Variants in CRYBG3 observed in about 807,000 individuals in gnomAD.
The protein encoded by CRYBG3 is very large A-kinase anchor protein.
A neutral mutation model predicts 244.2 loss-of-function variants in CRYBG3; 127 were observed. The observed-to-expected ratio is 0.52, with a 90% CI of 0.45 to 0.60. The LOEUF is 0.60. CRYBG3 is among the 20% of genes least tolerant of loss of function. CRYBG3 has a pLI of 0.00. For missense variants in CRYBG3, 3,325 were observed against 3,442.5 expected (o/e 0.97, Z 0.85); for synonymous variants, 1,132 against 1,195.8 (o/e 0.95, Z 1.10).
chr3:97,852,087 T>C (rs547134846), intron 2 of CRYBG3, among the ~76,000 whole-genome samples: 2 of 152,278 alleles, frequency 1.3e-5, no homozygotes, highest in African/African-American at 4.8e-5. Context: ...TGGAGATAGA[T>C]GTCTGGTTGG....
At chr3:97,910,034 G>T (rs1404428586) in intron 15 of CRYBG3, among the ~76,000 whole-genome samples, 2 of 151,704 alleles carry the variant, frequency 1.3e-5, no homozygotes, top group South Asian at 2.1e-4. Context: ...GCCCCTGCCT[G>T]GGGGTGCCTC....
chr3:97,859,822 C>G (rs2108197823), intron 2 of CRYBG3, among the ~76,000 whole-genome samples: 1 of 152,270 alleles, frequency 6.6e-6, no homozygotes, highest in African/African-American at 2.4e-5. Context: ...TGCCACTTTA[C>G]TTGGCAGAGA....
At chr3:97,880,533 T>C (rs890553838) in intron 6 of CRYBG3, among the ~76,000 whole-genome samples, 2 of 152,226 alleles carry the variant, frequency 1.3e-5, no homozygotes, top group Admixed American at 6.5e-5. Context: ...CTTTGTATGG[T>C]CTAAAAATGA....
At chr3:97,879,169 GT>G (rs1266820681) in intron 4 of CRYBG3, among the ~76,000 whole-genome samples, 1 of 152,152 alleles carries the variant, frequency 6.6e-6, no homozygotes, top group Non-Finnish European at 1.5e-5. Context: ...CCCAAGTTCT[GT>G]TTTGCCAGCC....
chr3:97,935,343 T>A (rs1044249093), intron 18 of CRYBG3, among the ~76,000 whole-genome samples: 8 of 152,072 alleles, frequency 5.3e-5, no homozygotes, highest in Non-Finnish European at 1.2e-4. Flanking sequence ...GCTAAGCCTG[T>A]CCGTGGTCAT....
Position 97,876,917 on chromosome 3 carries a change from A to G in CRYBG3, c.5723A>G (p.Lys1908Arg), listed in dbSNP as rs1170740042. 1 of 1,458,108 alleles carries G rather than the reference A, an allele frequency of 6.9e-7. No homozygotes were observed. Among genetic ancestry groups the G allele is most frequent in the Admixed American group, 2.8e-5 (1 of 35,736 alleles). The allele number at this position is 1,458,108 out of a possible 1,614,324, so 90.3% of individuals were successfully genotyped here. The change falls in exon 4 of 22, where the codon AAG becomes AGG. Residue 1908 changes from lysine (K) to arginine (R), a missense_variant. Coordinates refer to ENST00000389622, the MANE Select transcript of CRYBG3 (RefSeq NM_153605.4). ...GCTGAAGGGAGTGTTGAAGAAACAAAGGAAGAGCCTACAGAAATAAAGGAA... is the reference window on the plus strand; with the variant it reads ...GCTGAAGGGAGTGTTGAAGAAACAAGGGAAGAGCCTACAGAAATAAAGGAA... ...EYAEGSVEET[K>R]EEPTEIKEGL...
At position 97,872,262 on chromosome 3, in the gene CRYBG3, C is replaced by T. The variant is rs557542316; in HGVS notation, c.1068C>T (p.Tyr356=). The stretch of plus-strand genomic sequence containing the variant: ...CTTCTTCTGTGACTAACTCCAGCTA[C>T]GATGGAGAATCTGACTCACAGCACC... ...SSPSSVTNSS[Y]DGESDSQHHL... is the part of the protein sequence containing the mutation. The change falls in exon 4 of 22, where the codon TAC becomes TAT. Residue 356 remains tyrosine (Y), a synonymous_variant. Coordinates refer to ENST00000389622, the MANE Select transcript of CRYBG3 (RefSeq NM_153605.4). The T allele has an allele frequency of 5.3e-5, 81 of 1,535,382 alleles. No individual in the cohort carries two copies. The highest frequency in any genetic ancestry group is 1.4e-4 in the Admixed American group (7 of 50,970).
At chr3:97,854,780 C>CA (rs975820338) in intron 2 of CRYBG3, among the ~76,000 whole-genome samples, 1 of 151,900 alleles carries the variant, frequency 6.6e-6, no homozygotes, top group Non-Finnish European at 1.5e-5. Flanking sequence ...TCTCTAGAAA[C>CA]ACGATCATAT....
chr3:97,927,233 GA>G (rs910793645), intron 17 of CRYBG3, among the ~76,000 whole-genome samples: 2 of 151,948 alleles, frequency 1.3e-5, no homozygotes. Context: ...GAGGCCAATG[GA>G]AAAGGTTAGA....
intron 14 of CRYBG3, 145 bp from the exon 15 acceptor site, chr3:97,900,308 A>T: frequency 1.7e-6 from 1 of 575,794 alleles, no homozygotes; most frequent in East Asian, 3.0e-5. Flanking sequence ...AGACTGTGCC[A>T]CTGTACCCCA....
chr3:97,899,567 G>A (rs1005637506), intron 14 of CRYBG3, among the ~76,000 whole-genome samples: 2 of 152,150 alleles, frequency 1.3e-5, no homozygotes, highest in Non-Finnish European at 2.9e-5. Flanking sequence ...TGATGGTTCT[G>A]TCTCCCAGGG....
rs1269727517 is a variant in CRYBG3, at chr3:97,872,830, A to G, written c.1636A>G (p.Lys546Glu). ...AGESIASSHV[K>E]APEDKIESLP... ...TGAATCCATAGCTTCAAGTCATGTAAAAGCTCCAGAAGATAAAATTGAGTC... is the reference window on the plus strand; with the variant it reads ...TGAATCCATAGCTTCAAGTCATGTAGAAGCTCCAGAAGATAAAATTGAGTC... The change falls in exon 4 of 22, where the codon AAA (lysine) becomes GAA (glutamate). Residue 546 changes from lysine (K) to glutamate (E), a missense_variant. Lys to Glu is a moderately conservative substitution (Grantham distance 56, BLOSUM62 1). Coordinates refer to ENST00000389622, the MANE Select transcript of CRYBG3 (RefSeq NM_153605.4). 2 of 1,535,868 alleles carry G rather than the reference A, an allele frequency of 1.3e-6. No individual in the cohort carries two copies. The highest frequency in any genetic ancestry group is 2.4e-5 in the East Asian group (1 of 40,940).
At chr3:97,880,746 C>G (rs1267243168) in intron 6 of CRYBG3, among the ~76,000 whole-genome samples, 1 of 152,174 alleles carries the variant, frequency 6.6e-6, no homozygotes, top group African/African-American at 2.4e-5. Flanking sequence ...GGAATTGTTG[C>G]ACTATTGTTT....
At chr3:97,831,131 C>T (rs550013439) in intron 1 of CRYBG3, among the ~76,000 whole-genome samples, 2 of 152,216 alleles carry the variant, frequency 1.3e-5, no homozygotes, top group African/African-American at 2.4e-5. Context: ...ATATACCCCA[C>T]CTCTTAAGAG....
At chr3:97,942,525 C>A in intron 21 of CRYBG3, 82 bp downstream of exon 21, 4 of 1,219,316 alleles carry the variant, frequency 3.3e-6, no homozygotes, top group South Asian at 3.8e-5. Context: ...TAAAGGACAT[C>A]CTTATGTATA....
chr3:97,928,953 A>G (rs2040069068), intron 17 of CRYBG3, among the ~76,000 whole-genome samples: 2 of 152,064 alleles, frequency 1.3e-5, no homozygotes, highest in African/African-American at 4.8e-5. Context: ...TAAGTGCTAT[A>G]TATGTTAGTT....
At chr3:97,852,286 A>C (rs560433851) in intron 2 of CRYBG3, among the ~76,000 whole-genome samples, 5 of 152,202 alleles carry the variant, frequency 3.3e-5, no homozygotes, top group Non-Finnish European at 7.3e-5. Context: ...GTAAGAAGGG[A>C]AACCTCAGAG....
chr3:97,893,593 C>T (rs896488907), intron 11 of CRYBG3, among the ~76,000 whole-genome samples: 3 of 152,202 alleles, frequency 2.0e-5, no homozygotes, highest in African/African-American at 7.2e-5. Context: ...CCTTTATATT[C>T]GTATCCTGGT....
chr3:97,875,764 A>C lies in CRYBG3; in HGVS notation c.4570A>C (p.Lys1524Gln). 1 of 1,232,078 alleles carries C rather than the reference A, an allele frequency of 8.1e-7. No homozygotes were observed. The highest frequency in any genetic ancestry group is 1.0e-6 in the Non-Finnish European group (1 of 987,910). 76.3% of individuals were successfully genotyped at this position (1,232,078 alleles called of 1,614,324 possible). Residue 1524 changes from lysine to glutamine, a missense_variant, in exon 4 of 22, where the codon AAA becomes CAA. By Grantham distance (53) the Lys-to-Gln change is moderately conservative. Coordinates refer to ENST00000389622, the MANE Select transcript of CRYBG3 (RefSeq NM_153605.4). ...NTPLAMSDVGKVHKKDNEINI... is the reference protein window; with the variant it reads ...NTPLAMSDVGQVHKKDNEINI... ...ACCTCTTGCAATGTCAGATGTAGGG[A>C]AAGTACACAAGAAGGATAATGAAAT...
Sources: gnomAD v4.1 joint callset for allele counts (sites outside exome capture counted in the v4.1 genomes callset) on GRCh38, gnomAD v4.1.1 for gene constraint, MANE v1.5 for transcripts, NCBI Gene and HGNC (gene_info 2026-07-23, HGNC 2026-07-21) for gene names.